Variants in SDK1 observed in about 807,000 individuals in gnomAD.
The protein encoded by SDK1 is protein sidekick-1.
SDK1 carries 157 observed loss-of-function variants against 245.5 expected under a neutral mutation model. The observed-to-expected ratio is 0.64, with a 90% CI of 0.56 to 0.73. SDK1 has a LOEUF of 0.73. Ranked by LOEUF, SDK1 falls within the 30% of genes least tolerant of loss-of-function variation. The probability of loss-of-function intolerance (pLI) is 0.00; values close to 1 mark genes in which losing one functional copy is unlikely to be tolerated. For synonymous variants in SDK1, 1,647 were observed against 1,278.5 expected (o/e 1.29, Z -6.15); for missense variants, 3,583 against 3,002.3 (o/e 1.19, Z -4.52).
chr7:3,466,091 A>G (rs190037796), intron 1 of SDK1, among the ~76,000 whole-genome samples: 2 of 152,092 alleles, frequency 1.3e-5, no homozygotes, highest in Admixed American at 6.5e-5. Context: ...TTGTTACAGG[A>G]TATGCCTTGA....
intron 1 of SDK1, among the ~76,000 whole-genome samples, chr7:3,450,052 G>A (rs1457257183): frequency 6.6e-6 from 1 of 152,238 alleles, no homozygotes; most frequent in Non-Finnish European, 1.5e-5. Context: ...CAGGCATAAA[G>A]GTTGAGGGTG....
intron 5 of SDK1, among the ~76,000 whole-genome samples, chr7:3,882,274 A>G (rs532919726): frequency 2.6e-5 from 4 of 152,236 alleles, no homozygotes; most frequent in African/African-American, 9.6e-5. Context: ...ACACAGCCCA[A>G]CCATATCACC....
intron 5 of SDK1, among the ~76,000 whole-genome samples, chr7:3,931,690 G>A (rs1396873144): frequency 6.6e-6 from 1 of 152,128 alleles, no homozygotes. Flanking sequence ...CTGTGGATTT[G>A]AGCTATGCTG....
intron 33 of SDK1, among the ~76,000 whole-genome samples, chr7:4,175,483 T>C (rs2128218035): frequency 6.6e-6 from 1 of 152,350 alleles, no homozygotes; most frequent in African/African-American, 2.4e-5. Flanking sequence ...TGCCACTCAG[T>C]GCTAAGTTGT....
chr7:3,399,498 T>A (rs1778823591), intron 1 of SDK1, among the ~76,000 whole-genome samples: 1 of 152,154 alleles, frequency 6.6e-6, no homozygotes, highest in South Asian at 2.1e-4. Context: ...GCATGCTTCA[T>A]ATTTTGGTTA....
chr7:3,479,502 T>C (rs1173840048), intron 1 of SDK1, among the ~76,000 whole-genome samples: 1 of 151,876 alleles, frequency 6.6e-6, no homozygotes, highest in Non-Finnish European at 1.5e-5. Flanking sequence ...TTAATCATAT[T>C]GTCTAAATTG....
intron 1 of SDK1, among the ~76,000 whole-genome samples, chr7:3,359,895 G>A (rs1780906955): frequency 6.6e-6 from 1 of 152,152 alleles, no homozygotes; most frequent in Admixed American, 6.5e-5. Context: ...AAATGTAGAA[G>A]GCTCTGTTTG....
chr7:4,156,033 T>C (rs748243629), intron 30 of SDK1, among the ~76,000 whole-genome samples: 2 of 152,230 alleles, frequency 1.3e-5, no homozygotes, highest in Non-Finnish European at 2.9e-5. Flanking sequence ...CTGACTCTGC[T>C]GAGTGTCTCA....
At chr7:3,838,747 A>C (rs369868645) in intron 5 of SDK1, among the ~76,000 whole-genome samples, 77 of 152,330 alleles carry the variant, frequency 5.1e-4, no homozygotes, top group African/African-American at 1.8e-3. Context: ...CAGCAGTTCC[A>C]AGCTGTGTCC....
At position 4,149,363 on chromosome 7, in the gene SDK1, A is replaced by C; in HGVS notation, c.4525A>C (p.Ile1509Leu). Residue 1509 changes from isoleucine (I) to leucine (L), a missense_variant, in exon 30 of 45, where the codon ATC (isoleucine) becomes CTC (leucine). Ile to Leu is a conservative substitution (Grantham distance 5, BLOSUM62 2). Transcript: ENST00000404826. Reference sequence around the variant, plus strand: ...CCCGGGCAGCGACGGGGCCTCCCCCATCCGGTACTTCACCATGCAGGTGCG... The same window carrying C: ...CCCGGGCAGCGACGGGGCCTCCCCCCTCCGGTACTTCACCATGCAGGTGCG... The part of the protein sequence containing the change: ...WVPGSDGASP[I>L]RYFTMQVREL... 1 of 1,593,062 alleles carries C rather than the reference A, an allele frequency of 6.3e-7. No individual in the cohort carries two copies. The highest frequency in any genetic ancestry group is 8.5e-7 in the Non-Finnish European group (1 of 1,170,260).
chr7:3,848,604 C>G (rs528394015), intron 5 of SDK1, among the ~76,000 whole-genome samples: 1 of 152,038 alleles, frequency 6.6e-6, no homozygotes, highest in South Asian at 2.1e-4. Context: ...ACACTTAGCC[C>G]CAGGGGAACA....
chr7:3,335,390 T>C (rs144949294), intron 1 of SDK1, among the ~76,000 whole-genome samples: 2 of 151,762 alleles, frequency 1.3e-5, no homozygotes, highest in Admixed American at 1.3e-4. Flanking sequence ...TTTATTAACT[T>C]ACTGGGATAA....
intron 22 of SDK1, among the ~76,000 whole-genome samples, chr7:4,102,913 C>T (rs1452278558): frequency 1.4e-5 from 2 of 145,132 alleles, no homozygotes; most frequent in African/African-American, 2.6e-5. Context: ...TGCCTTTGTC[C>T]GAAATATCAT....
intron 32 of SDK1, among the ~76,000 whole-genome samples, chr7:4,166,434 C>A (rs758847847): frequency 3.3e-5 from 5 of 152,226 alleles, no homozygotes; most frequent in Non-Finnish European, 5.9e-5. Flanking sequence ...GCCAGAGGGG[C>A]ACCTGAATGC....
At chr7:4,133,679 T>A (rs577559724) in intron 28 of SDK1, among the ~76,000 whole-genome samples, 6 of 152,070 alleles carry the variant, frequency 3.9e-5, no homozygotes, top group Non-Finnish European at 8.8e-5. Flanking sequence ...CTGGGCCGGG[T>A]CTTGAGCTAC....
intron 1 of SDK1, among the ~76,000 whole-genome samples, chr7:3,356,279 A>G (rs1202129995): frequency 1.3e-5 from 2 of 152,150 alleles, no homozygotes; most frequent in Non-Finnish European, 2.9e-5. Flanking sequence ...GTGGTGAAAT[A>G]TAACAAAGTG....
chr7:3,802,300 G>C (rs1317970934), intron 4 of SDK1, among the ~76,000 whole-genome samples: 1 of 152,090 alleles, frequency 6.6e-6, no homozygotes, highest in Non-Finnish European at 1.5e-5. Context: ...GAGGCAGGAG[G>C]ATCACTTGAG....
chr7:4,246,386 G>A (rs1259742337), intron 44 of SDK1, among the ~76,000 whole-genome samples: 1 of 152,146 alleles, frequency 6.6e-6, no homozygotes, highest in African/African-American at 2.4e-5. Context: ...CTTTCCCAGT[G>A]TGGACTCCTG....
chr7:3,455,747 T>G (rs537659380), intron 1 of SDK1, among the ~76,000 whole-genome samples: 31 of 152,324 alleles, frequency 2.0e-4, no homozygotes, highest in Non-Finnish European at 3.4e-4. Flanking sequence ...CAAGATTGTT[T>G]TAGCTATTCT....
Sources: gnomAD v4.1 joint callset for allele counts (sites outside exome capture counted in the v4.1 genomes callset) on GRCh38, gnomAD v4.1.1 for gene constraint, MANE v1.5 for transcripts, NCBI Gene and HGNC (gene_info 2026-07-23, HGNC 2026-07-21) for gene names.